OTUD6B: variants seen among roughly 807,000 people sequenced by gnomAD.
OTUD6B encodes the protein OTU deubiquitinase 6B.
In OTUD6B, 41 loss-of-function variants were observed where a neutral mutation model predicts 36.9. The observed-to-expected ratio is 1.11, with a 90% CI of 0.87 to 1.44. The LOEUF is 1.44. Ranked by LOEUF, OTUD6B falls within the 40% of genes most tolerant of loss-of-function variation. OTUD6B has a pLI of 0.00. For synonymous variants in OTUD6B, 114 were observed against 114.2 expected, an observed-to-expected ratio of 1.00 and a Z score of 0.01; for missense variants, 356 against 344.8, an observed-to-expected ratio of 1.03 and a Z score of -0.26.
At chr8:91,071,065 C>A (rs1308132886) in intron 1 of OTUD6B, 73 bp from the exon 2 acceptor site, 1 of 1,580,462 alleles carries the variant, frequency 6.3e-7, no homozygotes. Flanking sequence ...CGTTACCATC[C>A]CCTTATTGGT....
At position 91,086,012 on chromosome 8, in the gene OTUD6B, A is replaced by G. The variant is rs1170414014; in HGVS notation, c.*1144A>G. The G allele has an allele frequency of 1.3e-5, 2 of 152,242 alleles. No homozygotes were observed. Among genetic ancestry groups the G allele is most frequent in the Non-Finnish European group, 1.5e-5 (1 of 67,990 alleles). 9.4% of individuals were successfully genotyped at this position (152,242 alleles called of 1,614,324 possible). ...TTGGAAGCTAAGACTTGTATAGAGT[A>G]GTTTTGTATATGAATGGTTGTTCTA... On this transcript the variant is annotated 3_prime_UTR_variant, in exon 7 of 7. Coordinates refer to ENST00000404789, the MANE Select transcript of OTUD6B (RefSeq NM_016023.5).
chr8:91,083,985 TG>T, intron 5 of OTUD6B, 22 bp from the exon 6 acceptor site: 1 of 1,542,422 alleles, frequency 6.5e-7, no homozygotes, highest in Admixed American at 2.1e-5. Flanking sequence ...TTTTCCTTAC[TG>T]ATACTTTTTT....
chr8:91,071,993 A>G (rs1406421896), intron 2 of OTUD6B, among the ~76,000 whole-genome samples: 3 of 152,356 alleles, frequency 2.0e-5, no homozygotes, highest in Admixed American at 6.5e-5. Flanking sequence ...AGGTTTTTGT[A>G]AGAATCAAGA....
chr8:91,081,616 G>GAGTA (rs1191908845), intron 5 of OTUD6B, among the ~76,000 whole-genome samples: 1 of 147,348 alleles, frequency 6.8e-6, no homozygotes, highest in Non-Finnish European at 1.5e-5. Flanking sequence ...GTAAGGCAGA[G>GAGTA]AGTACCTGCA....
Position 91,070,394 on chromosome 8 carries a change from G to T in OTUD6B, c.10G>T (p.Val4Leu), listed in dbSNP as rs775726334. The T allele has an allele frequency of 1.9e-6, 3 of 1,607,772 alleles. No homozygotes were observed. In the South Asian group the frequency reaches 3.3e-5, roughly 18 times the overall value. The change falls in exon 1 of 7, where the codon GTA (valine) becomes TTA (leucine). Residue 4 changes from valine to leucine, a missense_variant. Transcript: ENST00000404789. ...GGGGTACCTGGTCGTCATGGAGGCG[G>T]TATTGACCGAAGAGCTTGATGAGGA... MEA[V>L]LTEELDEEEQ...
chr8:91,077,840 A>AT (rs59152911), intron 3 of OTUD6B, among the ~76,000 whole-genome samples: 3,286 of 149,866 alleles, frequency 0.022, 121 homozygotes, highest in African/African-American at 0.075. Context: ...TTATATTTTA[A>AT]TTTTTTTTTT....
intron 2 of OTUD6B, among the ~76,000 whole-genome samples, chr8:91,073,460 G>C (rs916030513): frequency 6.6e-6 from 1 of 152,132 alleles, no homozygotes; most frequent in Admixed American, 6.5e-5. Context: ...GCCAGTAGAG[G>C]TTATGCAGGT....
intron 3 of OTUD6B, chr8:91,076,608 AGCTCTCT>A: frequency 6.5e-7 from 1 of 1,532,280 alleles, no homozygotes. Context: ...GGATAGAAGG[AGCTCTCT>A]GTGTTGTCCT....
rs746903756 is a variant in OTUD6B, at chr8:91,084,010, A to G, written c.693A>G (p.Leu231=). 7.5e-5 allele frequency: 117 copies of G among 1,562,172 alleles called. No homozygotes were observed. Among genetic ancestry groups the G allele is most frequent in the Non-Finnish European group, 9.6e-5 (111 of 1,153,786 alleles). The change falls in exon 6 of 7, where the codon CTA becomes CTG. Residue 231 remains leucine, a splice_region_variant and synonymous_variant. Coordinates refer to ENST00000404789, the MANE Select transcript of OTUD6B (RefSeq NM_016023.5). ...TGATACTTTTTTTCTTCCTATAGCTAAGAGCTCTGTCTCACATTTTACAAA... is the reference window on the plus strand; with the variant it reads ...TGATACTTTTTTTCTTCCTATAGCTGAGAGCTCTGTCTCACATTTTACAAA... ...NTAAWGGQLE[L]RALSHILQTP...
Position 91,071,654 on chromosome 8 carries a change from A to C in OTUD6B, c.234+365A>C, listed in dbSNP as rs1054110990. On this transcript the variant is annotated intron_variant, in intron 2 of 6. Transcript: ENST00000404789. ...TGAGCCACCGTGCCCGGCCCTGTTA[A>C]ACTGTTTATTATCTAAAATCATAAA... Among the ~76,000 whole-genome samples, 20 of 152,150 alleles carry C rather than the reference A, an allele frequency of 1.3e-4. 1 individual carries two copies. The highest frequency in any genetic ancestry group is 2.6e-4 in the Admixed American group (4 of 15,274).
Position 91,071,302 on chromosome 8 carries a change from A to T in OTUD6B, c.234+13A>T. On this transcript the variant is annotated intron_variant, in intron 2 of 6. Coordinates refer to ENST00000404789, the MANE Select transcript of OTUD6B (RefSeq NM_016023.5). ...TAAGGAGAATAAGGTATGTGAAATA[A>T]ATGTTTGTCGTTGCCTACACCATTT... The T allele has an allele frequency of 6.2e-7, 1 of 1,600,396 alleles. No individual in the cohort carries two copies. Among genetic ancestry groups the T allele is most frequent in the Non-Finnish European group, 8.5e-7 (1 of 1,174,324 alleles).
intron 6 of OTUD6B, 88 bp downstream of exon 6, chr8:91,084,202 A>T: frequency 1.3e-6 from 1 of 752,502 alleles, no homozygotes; most frequent in Non-Finnish European, 2.1e-6. Flanking sequence ...GTGTTAAAAT[A>T]TGTGACTTAG....
chr8:91,076,615 T>C, intron 3 of OTUD6B: 1 of 1,532,614 alleles, frequency 6.5e-7, no homozygotes, highest in Non-Finnish European at 8.7e-7. Flanking sequence ...AGGAGCTCTC[T>C]GTGTTGTCCT....
chr8:91,082,102 A>G lies in OTUD6B; in HGVS notation c.690+1372A>G, dbSNP rs140574124. 3.2e-3 allele frequency among the ~76,000 whole-genome samples: 480 copies of G among 152,248 alleles called. 6 individuals carry two copies. Among genetic ancestry groups the G allele is most frequent in the African/African-American group, 0.011 (458 of 41,568 alleles). On this transcript the variant is annotated intron_variant, in intron 5 of 6. Transcript: ENST00000404789. Reference sequence around the variant, plus strand: ...AGTTATTAAAGAAAATCATTCTATGATCTCTGAAGTTAGAAGGCATAGTAG... The same window carrying G: ...AGTTATTAAAGAAAATCATTCTATGGTCTCTGAAGTTAGAAGGCATAGTAG...
chr8:91,076,248 T>C (rs1052110784), intron 3 of OTUD6B, among the ~76,000 whole-genome samples: 11 of 152,160 alleles, frequency 7.2e-5, no homozygotes, highest in Non-Finnish European at 5.9e-5. Context: ...TATTTATGAT[T>C]TACATGCTAT....
In OTUD6B at chr8:91,073,910, G is replaced by A. The variant is rs956700231; in HGVS notation, c.314G>A (p.Arg105Gln). Residue 105 changes from arginine to glutamine, a missense_variant and splice_region_variant, in exon 3 of 7, where the codon CGG (arginine) becomes CAG (glutamine). Arg to Gln is a conservative substitution (Grantham distance 43, BLOSUM62 1). Coordinates refer to ENST00000404789, the MANE Select transcript of OTUD6B (RefSeq NM_016023.5). Reference protein sequence around the residue: ...PPRISKAQKRREKKAALEKER... With the variant: ...PPRISKAQKRQEKKAALEKER... Reference sequence around the variant, plus strand: ...CGGATATCAAAAGCACAAAAGAGACGGGTATGAAAGTCATGTCACCAAGTA... The same window carrying A: ...CGGATATCAAAAGCACAAAAGAGACAGGTATGAAAGTCATGTCACCAAGTA... The A allele has an allele frequency of 5.7e-6, 9 of 1,582,140 alleles. No individual in the cohort carries two copies. Among genetic ancestry groups the A allele is most frequent in the South Asian group, 2.3e-5 (2 of 86,598 alleles).
chr8:91,071,855 AG>A (rs1297977589), intron 2 of OTUD6B, among the ~76,000 whole-genome samples: 2 of 152,222 alleles, frequency 1.3e-5, no homozygotes, highest in Non-Finnish European at 2.9e-5. Context: ...CAAAGTTGGA[AG>A]ACCAGGCATC....
At chr8:91,084,334 A>G (rs2130447246) in intron 6 of OTUD6B, among the ~76,000 whole-genome samples, 1 of 152,302 alleles carries the variant, frequency 6.6e-6, no homozygotes, top group Non-Finnish European at 1.5e-5. Context: ...TAGTAATGCT[A>G]AAAGTTTCAA....
Position 91,084,864 on chromosome 8 carries a change from G to T in OTUD6B, c.878G>T (p.Ser293Ile). Residue 293 changes from serine to isoleucine, a missense_variant, in exon 7 of 7, where the codon AGC (serine) becomes ATC (isoleucine). By Grantham distance (142) the Ser-to-Ile change is moderately radical. Transcript: ENST00000404789. ...GTAAACATAGTTACTGAAAATTGCA[G>T]CTAATTTATACAATGTTGTACAATT... The part of the protein sequence containing the change: ...RLVNIVTENC[S>I] The T allele has an allele frequency of 2.7e-6, 4 of 1,503,562 alleles. No homozygotes were observed. The highest frequency in any genetic ancestry group is 1.2e-5 in the South Asian group (1 of 84,300). 93.1% of individuals were successfully genotyped at this position (1,503,562 alleles called of 1,614,324 possible).
Sources: gnomAD v4.1 joint callset for allele counts (sites outside exome capture counted in the v4.1 genomes callset) on GRCh38, gnomAD v4.1.1 for gene constraint, MANE v1.5 for transcripts, NCBI Gene and HGNC (gene_info 2026-07-23, HGNC 2026-07-21) for gene names.